ATP8A1: variants seen among roughly 807,000 people sequenced by gnomAD.
ATP8A1 encodes the protein phospholipid-transporting ATPase IA.
A neutral mutation model predicts 177.7 loss-of-function variants in ATP8A1; 90 were observed. That is an observed-to-expected ratio of 0.51 (90% CI 0.43 to 0.60). The LOEUF (loss-of-function observed/expected upper bound fraction) is 0.60. ATP8A1 is among the 20% of genes least tolerant of loss of function. The pLI is 0.00. For synonymous variants in ATP8A1, 493 were observed against 485.9 expected, an observed-to-expected ratio of 1.01 and a Z score of -0.19; for missense variants, 1,072 against 1,392.8, an observed-to-expected ratio of 0.77 and a Z score of 3.67.
chr4:42,448,815 C>A, intron 30 of ATP8A1, among the ~76,000 whole-genome samples: 1 of 138,472 alleles, frequency 7.2e-6, no homozygotes. Flanking sequence ...CATCAGTCTA[C>A]TTTGTACTTT....
chr4:42,489,446 T>A (rs1211055175), intron 24 of ATP8A1, among the ~76,000 whole-genome samples: 1 of 152,184 alleles, frequency 6.6e-6, no homozygotes, highest in African/African-American at 2.4e-5. Flanking sequence ...CTATCACAGA[T>A]CTCTGGCAAA....
intron 15 of ATP8A1, among the ~76,000 whole-genome samples, chr4:42,562,870 G>A (rs868829767): frequency 1.3e-5 from 2 of 152,182 alleles, no homozygotes; most frequent in Admixed American, 6.5e-5. Context: ...TGCCATGATC[G>A]TGAGGCTTAC....
In ATP8A1 at chr4:42,409,161, C is replaced by T. The variant is rs188617547; in HGVS notation, c.*3755G>A. 1.3e-5 allele frequency: 2 copies of T among 152,276 alleles called. No individual in the cohort carries two copies. The highest frequency in any genetic ancestry group is 3.9e-4 in the East Asian group (2 of 5,190). The allele number at this position is 152,276 out of a possible 1,614,324, so 9.4% of individuals were successfully genotyped here. On this transcript the variant is annotated 3_prime_UTR_variant, in exon 37 of 37. Transcript: ENST00000381668. ...AGGCAGAAATAAACATCAAGATTTA[C>T]AGCAATAGCCATGCATTGGCCTGGA...
chr4:42,424,480 A>G (rs1372904844), intron 33 of ATP8A1, among the ~76,000 whole-genome samples: 2 of 152,160 alleles, frequency 1.3e-5, no homozygotes, highest in Non-Finnish European at 2.9e-5. Context: ...AAATCCATAT[A>G]TGTATTGTTC....
chr4:42,612,798 T>G (rs1736502255), intron 5 of ATP8A1, among the ~76,000 whole-genome samples: 1 of 152,116 alleles, frequency 6.6e-6, no homozygotes, highest in African/African-American at 2.4e-5. Flanking sequence ...GTTGAAAATG[T>G]TGGAAATAAA....
At chr4:42,435,077 CT>C (rs1715760452) in intron 33 of ATP8A1, among the ~76,000 whole-genome samples, 1 of 152,178 alleles carries the variant, frequency 6.6e-6, no homozygotes, top group African/African-American at 2.4e-5. Flanking sequence ...AACAAAGCAG[CT>C]TAACACCAGT....
Position 42,555,142 on chromosome 4 carries a change from C to CTATCT in ATP8A1, c.1413+821_1413+825dup, listed in dbSNP as rs1560454742. Among the ~76,000 whole-genome samples, 298 of 63,670 alleles carry CTATCT rather than the reference C, an allele frequency of 4.7e-3. 4 individuals are homozygous for CTATCT. The highest frequency in any genetic ancestry group is 0.01 in the East Asian group (26 of 2,524). 41.8% of individuals were successfully genotyped at this position (63,670 alleles called of 152,430 possible). A position where few individuals can be genotyped will look rare whatever the true frequency, so the allele number is the denominator to read the frequency against. On this transcript the variant is annotated intron_variant, in intron 16 of 36. Coordinates refer to ENST00000381668, the MANE Select transcript of ATP8A1 (RefSeq NM_006095.2). ...CTATCTATCTATCTATCTATCTAAT[C>CTATCT]TATCTATCTATCTATCTATCTATCT...
intron 22 of ATP8A1, among the ~76,000 whole-genome samples, chr4:42,515,677 G>C (rs761620426): frequency 1.3e-5 from 2 of 152,122 alleles, no homozygotes; most frequent in Non-Finnish European, 2.9e-5. Flanking sequence ...TCTCTGGAAT[G>C]ACATTGTTTT....
intron 27 of ATP8A1, among the ~76,000 whole-genome samples, chr4:42,463,359 T>C (rs917513123): frequency 2.0e-5 from 3 of 152,234 alleles, no homozygotes; most frequent in African/African-American, 7.2e-5. Context: ...GATGGTTTTA[T>C]AAAGAGGAGT....
At position 42,555,131 on chromosome 4, in the gene ATP8A1, ATCTATCTAATCTATCT is replaced by A. The variant is rs1258847987; in HGVS notation, c.1413+821_1413+836del. Among the ~76,000 whole-genome samples the A allele has an allele frequency of 9.3e-3, 705 of 76,150 alleles. 5 individuals carry two copies. Among genetic ancestry groups the A allele is most frequent in the Admixed American group, 0.021 (165 of 7,768 alleles). The allele number at this position is 76,150 out of a possible 152,430, so 50.0% of individuals were successfully genotyped here. On this transcript the variant is annotated intron_variant, in intron 16 of 36. Coordinates refer to ENST00000381668, the MANE Select transcript of ATP8A1 (RefSeq NM_006095.2). Reference sequence around the variant, plus strand: ...TATCTATCTATCTATCTATCTATCTATCTATCTAATCTATCTATCTATCTATCTATCTATCTATCTA... The same window carrying A: ...TATCTATCTATCTATCTATCTATCTAATCTATCTATCTATCTATCTATCTA...
At chr4:42,473,908 C>T (rs1164627257) in intron 25 of ATP8A1, among the ~76,000 whole-genome samples, 1 of 151,700 alleles carries the variant, frequency 6.6e-6, no homozygotes, top group Non-Finnish European at 1.5e-5. Flanking sequence ...TCCACCTCAG[C>T]CTCCCAAAGT....
intron 4 of ATP8A1, among the ~76,000 whole-genome samples, chr4:42,618,931 A>G (rs767358191): frequency 6.6e-6 from 1 of 152,220 alleles, no homozygotes. Context: ...TCTACTGTTA[A>G]GCCAAAAGGA....
intron 22 of ATP8A1, 120 bp from the exon 23 acceptor site, chr4:42,507,274 G>T: frequency 9.4e-7 from 1 of 1,062,606 alleles, no homozygotes; most frequent in Non-Finnish European, 1.3e-6. Context: ...GGACTTTGGT[G>T]TAAATTCCAA....
chr4:42,512,346 T>A (rs568538415), intron 22 of ATP8A1, among the ~76,000 whole-genome samples: 1 of 152,346 alleles, frequency 6.6e-6, no homozygotes, highest in Non-Finnish European at 1.5e-5. Flanking sequence ...GGTTTCAGCC[T>A]CAGGCCTGAG....
intron 33 of ATP8A1, among the ~76,000 whole-genome samples, chr4:42,427,788 C>T (rs1045033959): frequency 3.1e-4 from 47 of 152,312 alleles, no homozygotes; most frequent in African/African-American, 1.0e-3. Context: ...AGAGTCACAG[C>T]GCAGAGCAGC....
chr4:42,632,012 C>T (rs1738789340), intron 1 of ATP8A1, among the ~76,000 whole-genome samples: 1 of 152,156 alleles, frequency 6.6e-6, no homozygotes. Context: ...ACCCCAATGT[C>T]CTTGGTGCTC....
intron 24 of ATP8A1, among the ~76,000 whole-genome samples, chr4:42,494,310 T>C (rs1723051194): frequency 6.6e-6 from 1 of 151,750 alleles, no homozygotes; most frequent in Admixed American, 6.6e-5. Context: ...CTGTCTGTAC[T>C]AAAAATACAA....
chr4:42,531,457 A>G (rs565790926), intron 20 of ATP8A1, among the ~76,000 whole-genome samples: 2 of 152,360 alleles, frequency 1.3e-5, no homozygotes, highest in South Asian at 4.1e-4. Flanking sequence ...TCCCCAGCTA[A>G]CATCATATTG....
chr4:42,446,098 A>AG (rs1372221751), intron 31 of ATP8A1, among the ~76,000 whole-genome samples: 3 of 146,898 alleles, frequency 2.0e-5, no homozygotes, highest in East Asian at 2.1e-4. Flanking sequence ...AAAAAAAAAA[A>AG]AGAGAAGAGA....
Sources: allele counts gnomAD v4.1 joint callset (sites outside exome capture counted in the v4.1 genomes callset), GRCh38; gene constraint gnomAD v4.1.1; transcripts MANE v1.5; gene names NCBI Gene and HGNC (gene_info 2026-07-23, HGNC 2026-07-21).